Variants in CYP39A1 observed in about 807,000 individuals in gnomAD.
CYP39A1 encodes 24-hydroxycholesterol 7-alpha-hydroxylase.
A neutral mutation model predicts 58.1 loss-of-function variants in CYP39A1; 49 were observed. That is an observed-to-expected ratio of 0.84 (90% confidence interval 0.67 to 1.07). CYP39A1 has a LOEUF of 1.07. Among genes scored for constraint, CYP39A1 ranks in the 50% least tolerant of loss-of-function variants. The pLI, the probability that CYP39A1 is intolerant of heterozygous loss-of-function variation, is 0.00. For missense variants in CYP39A1, 531 were observed against 539.4 expected, an observed-to-expected ratio of 0.98 and a Z score of 0.16; for synonymous variants, 209 against 187.6, an observed-to-expected ratio of 1.11 and a Z score of -0.93.
At chr6:46,572,214 T>C (rs1245731345) in intron 10 of CYP39A1, among the ~76,000 whole-genome samples, 1 of 152,172 alleles carries the variant, frequency 6.6e-6, no homozygotes, top group East Asian at 1.9e-4. Flanking sequence ...AACACCATTA[T>C]TGGATTATAA....
In CYP39A1 at chr6:46,618,968, C is replaced by G. The variant is rs549471582; in HGVS notation, c.931+6450G>C. ...CAATATTCCTCTGCCTTAATCATCT[C>G]AGGGCCAGATATCAGGCCACTAGAA... On this transcript the variant is annotated intron_variant, in intron 7 of 11. Coordinates refer to ENST00000275016, the MANE Select transcript of CYP39A1 (RefSeq NM_016593.5). Among the ~76,000 whole-genome samples, 4 of 152,198 alleles carry G rather than the reference C, an allele frequency of 2.6e-5. No individual in the cohort carries two copies. The East Asian group carries it at 7.7e-4, about 29-fold the overall frequency.
intron 10 of CYP39A1, among the ~76,000 whole-genome samples, chr6:46,577,686 G>A (rs1320654804): frequency 6.6e-6 from 1 of 152,074 alleles, no homozygotes. Flanking sequence ...ACAAAGAAGG[G>A]TGTTACCTAA....
chr6:46,581,711 T>A (rs1343309360), intron 10 of CYP39A1, among the ~76,000 whole-genome samples: 2 of 152,072 alleles, frequency 1.3e-5, no homozygotes, highest in African/African-American at 2.4e-5. Flanking sequence ...ATCATTTGTA[T>A]ATCAAACTCC....
At chr6:46,550,701 C>T (rs919207895) in intron 11 of CYP39A1, among the ~76,000 whole-genome samples, 3 of 152,160 alleles carry the variant, frequency 2.0e-5, no homozygotes, top group South Asian at 2.1e-4. Context: ...TGCCACCCTT[C>T]GCTTTATCTG....
intron 8 of CYP39A1, among the ~76,000 whole-genome samples, chr6:46,589,796 G>A (rs1772717803): frequency 6.6e-6 from 1 of 152,058 alleles, no homozygotes; most frequent in South Asian, 2.1e-4. Flanking sequence ...CAGGGTTGGG[G>A]GCAGCACAGG....
At chr6:46,650,255 C>T (rs754749444) in intron 1 of CYP39A1, among the ~76,000 whole-genome samples, 12 of 151,924 alleles carry the variant, frequency 7.9e-5, no homozygotes, top group Non-Finnish European at 7.4e-5. Flanking sequence ...CTTGAGAAAA[C>T]AGTGAAAAGA....
rs529331912 is a variant in CYP39A1 at position 46,550,169 on chromosome 6, A to G, written c.*197T>C. ...CTATAAACCATGTATTCCGGTCTCT[A>G]TATTACTGAGAGTGATGTTAGATTC... On this transcript the variant is annotated 3_prime_UTR_variant, in exon 12 of 12. Coordinates refer to ENST00000275016, the MANE Select transcript of CYP39A1 (RefSeq NM_016593.5). 7.2e-5 allele frequency: 31 copies of G among 430,400 alleles called. No homozygotes were observed. The highest frequency in any genetic ancestry group is 6.8e-5 in the South Asian group (1 of 14,676). 26.7% of individuals were successfully genotyped at this position (430,400 alleles called of 1,614,324 possible).
At chr6:46,592,373 T>C (rs1772891189) in intron 8 of CYP39A1, among the ~76,000 whole-genome samples, 1 of 152,190 alleles carries the variant, frequency 6.6e-6, no homozygotes, top group Non-Finnish European at 1.5e-5. Flanking sequence ...TACAAATTTC[T>C]GGGAACATAT....
intron 7 of CYP39A1, among the ~76,000 whole-genome samples, chr6:46,606,853 G>T (rs1287144805): frequency 1.3e-5 from 2 of 152,108 alleles, no homozygotes; most frequent in African/African-American, 4.8e-5. Flanking sequence ...TTTAGCCATT[G>T]ATTCACTCAA....
intron 7 of CYP39A1, among the ~76,000 whole-genome samples, chr6:46,599,908 C>T (rs946385561): frequency 2.9e-4 from 44 of 152,064 alleles, no homozygotes; most frequent in Admixed American, 1.1e-3. Flanking sequence ...GTCTTGCCAT[C>T]GCAGAAAATG....
rs77580594 is a variant in CYP39A1 at position 46,647,651 on chromosome 6, T to G, written c.177+4755A>C. On this transcript the variant is annotated intron_variant, in intron 1 of 11. Transcript: ENST00000275016. ...TTTTCCAACAATCTACTTAAACTAT[T>G]TATTGAATATTTTTGCAAAATATCG... 4.5e-3 allele frequency among the ~76,000 whole-genome samples: 681 copies of G among 152,346 alleles called. 1 individual carries two copies. The highest frequency in any genetic ancestry group is 7.4e-3 in the Non-Finnish European group (506 of 68,022).
At chr6:46,602,492 T>C (rs1176258632) in intron 7 of CYP39A1, among the ~76,000 whole-genome samples, 1 of 152,006 alleles carries the variant, frequency 6.6e-6, no homozygotes, top group East Asian at 1.9e-4. Context: ...ATACTGATGC[T>C]CTTGGTCCAG....
At chr6:46,632,735 T>C (rs1775736683) in intron 5 of CYP39A1, among the ~76,000 whole-genome samples, 2 of 152,080 alleles carry the variant, frequency 1.3e-5, no homozygotes, top group Non-Finnish European at 2.9e-5. Context: ...CAGGGACATA[T>C]AGCTTGAAGG....
intron 10 of CYP39A1, among the ~76,000 whole-genome samples, chr6:46,558,719 C>T (rs572671003): frequency 2.6e-5 from 4 of 152,014 alleles, no homozygotes; most frequent in African/African-American, 7.2e-5. Flanking sequence ...GATTGTCGGC[C>T]GGGCACGGTG....
At chr6:46,618,107 C>T (rs889762780) in intron 7 of CYP39A1, among the ~76,000 whole-genome samples, 2 of 152,114 alleles carry the variant, frequency 1.3e-5, no homozygotes, top group African/African-American at 2.4e-5. Context: ...TTTCATATAA[C>T]TGATATAGTT....
chr6:46,649,152 C>T (rs983777235), intron 1 of CYP39A1, among the ~76,000 whole-genome samples: 4 of 152,214 alleles, frequency 2.6e-5, no homozygotes, highest in South Asian at 2.1e-4. Context: ...CCAGCTGACA[C>T]GGTTGGTGGC....
chr6:46,645,251 A>G (rs951378524), intron 1 of CYP39A1, among the ~76,000 whole-genome samples: 1 of 152,124 alleles, frequency 6.6e-6, no homozygotes, highest in Non-Finnish European at 1.5e-5. Context: ...ATTTCTTTCT[A>G]CAGGTTTTAT....
intron 7 of CYP39A1, among the ~76,000 whole-genome samples, chr6:46,604,949 A>C (rs1336220167): frequency 1.3e-5 from 2 of 152,094 alleles, no homozygotes; most frequent in African/African-American, 2.4e-5. Flanking sequence ...TTGGAGGAGA[A>C]AGAATTGCAT....
At chr6:46,590,741 G>T (rs539006509) in intron 8 of CYP39A1, among the ~76,000 whole-genome samples, 1 of 152,208 alleles carries the variant, frequency 6.6e-6, no homozygotes, top group Middle Eastern at 3.4e-3. Context: ...ATTAATAGGA[G>T]ATATTTTGTT....
Sources: gnomAD v4.1 joint callset for allele counts (sites outside exome capture counted in the v4.1 genomes callset) on GRCh38, gnomAD v4.1.1 for gene constraint, MANE v1.5 for transcripts, NCBI Gene and HGNC (gene_info 2026-07-23, HGNC 2026-07-21) for gene names.